The following KIF17 variants were observed in gnomAD, a reference collection of about 807,000 sequenced individuals.
KIF17 encodes the protein kinesin family member 17.
In KIF17, 80 loss-of-function variants were observed where a neutral mutation model predicts 96.8. The ratio of observed to expected loss-of-function variants is 0.83; its 90% CI spans 0.69 to 1.00. The LOEUF is 1.00. Among genes scored for constraint, KIF17 ranks in the 50% least tolerant of loss-of-function variants. The pLI is 0.00. For missense variants in KIF17, 1,280 were observed against 1,372.9 expected (o/e 0.93, Z 1.07); for synonymous variants, 567 against 587.5 (o/e 0.97, Z 0.51).
chr1:20,705,233 G>C (rs990491632), intron 4 of KIF17, among the ~76,000 whole-genome samples: 5 of 152,210 alleles, frequency 3.3e-5, no homozygotes, highest in Non-Finnish European at 5.9e-5. Flanking sequence ...GCTCCCGAAG[G>C]CTTCCTGCAA....
chr1:20,698,429 G>A lies in KIF17; in HGVS notation c.1183C>T (p.Gln395Ter), dbSNP rs779828987. Residue 395 changes from glutamine (Q) to a stop codon, truncating the protein, a stop_gained, in exon 6 of 15, where the codon CAA becomes TAA. Transcript: ENST00000400463. LOFTEE classifies it high-confidence loss of function. Reference protein sequence around the residue: ...PVQVEEKLLPQPVIQHDVEAE... With the variant: ...PVQVEEKLLP Reference sequence around the variant, plus strand: ...TCCACGTCATGCTGGATCACAGGTTGGGGCAACAGCTTCTCCTCCACCTGC... The same window carrying A: ...TCCACGTCATGCTGGATCACAGGTTAGGGCAACAGCTTCTCCTCCACCTGC... The A allele has an allele frequency of 5.0e-6, 8 of 1,613,700 alleles. No homozygotes were observed. The African/African-American group carries it at 6.7e-5, about 13-fold the overall frequency.
chr1:20,712,606 A>ATAGATAATATTATC, intron 3 of KIF17, among the ~76,000 whole-genome samples: 170 of 11,488 alleles, frequency 0.015, 35 homozygotes, highest in Non-Finnish European at 0.03. Flanking sequence ...ATATATATCT[A>ATAGATAATATTATC]TATATATATA....
At chr1:20,694,473 T>C (rs994585238) in intron 6 of KIF17, among the ~76,000 whole-genome samples, 2 of 152,190 alleles carry the variant, frequency 1.3e-5, no homozygotes, top group East Asian at 1.9e-4. Context: ...AAGGCATTTA[T>C]GAATTAAAGA....
chr1:20,676,042 G>T (rs951991020), intron 11 of KIF17, among the ~76,000 whole-genome samples: 9 of 151,824 alleles, frequency 5.9e-5, no homozygotes, highest in Non-Finnish European at 1.2e-4. Flanking sequence ...AAAGGAAAAA[G>T]AAAAAAAGAA....
chr1:20,689,576 G>T (rs11584483), intron 7 of KIF17, among the ~76,000 whole-genome samples: 30 of 152,202 alleles, frequency 2.0e-4, no homozygotes, highest in African/African-American at 7.2e-4. Context: ...GCTTAAATCC[G>T]GGATGGGGAG....
At position 20,687,284 on chromosome 1, in the gene KIF17, G is replaced by A; in HGVS notation, c.1938+104C>T. The A allele has an allele frequency of 4.6e-6, 6 of 1,290,660 alleles. No homozygotes were observed. Among genetic ancestry groups the A allele is most frequent in the Non-Finnish European group, 6.7e-6 (6 of 892,916 alleles). 80.0% of individuals were successfully genotyped at this position (1,290,660 alleles called of 1,614,324 possible). A position where few individuals can be genotyped will look rare whatever the true frequency, so the allele number is the denominator to read the frequency against. On this transcript the variant is annotated intron_variant, in intron 8 of 14. Coordinates refer to ENST00000400463, the MANE Select transcript of KIF17 (RefSeq NM_001122819.3). This position sits in a 1 kb window ranked among gnomAD's most constrained non-coding sequence, Gnocchi z 4.4. ...GACACAGTGGAGCCACGGCCTGAGT[G>A]TCGGAGGCCATGTGTGTGAACAGTG...
chr1:20,707,779 C>T (rs1156932324), intron 4 of KIF17, among the ~76,000 whole-genome samples: 1 of 93,108 alleles, frequency 1.1e-5, no homozygotes, highest in Non-Finnish European at 2.0e-5. Context: ...AAAAACAAAC[C>T]AATGTGTATG....
At chr1:20,716,002 T>G (rs1188565232) in intron 1 of KIF17, among the ~76,000 whole-genome samples, 1 of 152,150 alleles carries the variant, frequency 6.6e-6, no homozygotes, top group Non-Finnish European at 1.5e-5. Context: ...ATCCCAGCAC[T>G]TTGGAAGGCT....
In KIF17 at chr1:20,699,958, G is replaced by C. The variant is rs769839445; in HGVS notation, c.1124-1470C>G. 6.6e-6 allele frequency among the ~76,000 whole-genome samples: 1 copy of C among 152,210 alleles called. No individual in the cohort carries two copies. Among genetic ancestry groups the C allele is most frequent in the Non-Finnish European group, 1.5e-5 (1 of 68,032 alleles). On this transcript the variant is annotated intron_variant, in intron 5 of 14. Coordinates refer to ENST00000400463, the MANE Select transcript of KIF17 (RefSeq NM_001122819.3). The surrounding 1 kb of genome is among the most constrained non-coding windows in gnomAD (Gnocchi z 4.3). ...TGAACAGGCTCTCCCTGGCTGCTGC[G>C]TGGAGAGTGCACTGAGGGGAACCAG...
At chr1:20,715,799 A>G (rs1365810232) in intron 1 of KIF17, among the ~76,000 whole-genome samples, 160 bp from the exon 2 acceptor site, 2 of 152,180 alleles carry the variant, frequency 1.3e-5, no homozygotes, top group Non-Finnish European at 2.9e-5. Context: ...GTCCTCAAGG[A>G]GTTGACTCTC....
intron 4 of KIF17, among the ~76,000 whole-genome samples, chr1:20,708,339 T>G (rs2054378628): frequency 6.6e-6 from 1 of 152,214 alleles, no homozygotes; most frequent in South Asian, 2.1e-4. Flanking sequence ...GCCTTGACCC[T>G]GGGTAGTGCA....
Position 20,672,118 on chromosome 1 carries a change from G to A in KIF17, c.2542C>T (p.Arg848Cys), listed in dbSNP as rs577775020. The change falls in exon 12 of 15, where the codon CGC (arginine) becomes TGC (cysteine). Residue 848 changes from arginine (R) to cysteine (C), a missense_variant. Coordinates refer to ENST00000400463, the MANE Select transcript of KIF17 (RefSeq NM_001122819.3). This position sits in a 1 kb window ranked among gnomAD's most constrained non-coding sequence, Gnocchi z 4.3. ...LEKIDYLATI[R>C]RQERDSMLLQ... The stretch of plus-strand genomic sequence containing the variant: ...AGCATGGAGTCACGCTCCTGCCGGC[G>A]GATGGTGGCCAAGTAATCGATCTTC... 1.4e-4 allele frequency: 224 copies of A among 1,614,142 alleles called. 1 individual carries two copies. The highest frequency in any genetic ancestry group is 2.6e-4 in the South Asian group (24 of 91,074).
In KIF17 at chr1:20,709,429, T is replaced by C. The variant is rs1464275417; in HGVS notation, c.670+210A>G. Among the ~76,000 whole-genome samples the C allele has an allele frequency of 6.6e-6, 1 of 152,288 alleles. No homozygotes were observed. Among genetic ancestry groups the C allele is most frequent in the Admixed American group, 6.5e-5 (1 of 15,296 alleles). ...TGTCTGGCACACAGTGAGCGCTCAATGTTGGCTCCCAGTGTTACTGTGTTT... is the reference window on the plus strand; with the variant it reads ...TGTCTGGCACACAGTGAGCGCTCAACGTTGGCTCCCAGTGTTACTGTGTTT... On this transcript the variant is annotated intron_variant, in intron 4 of 14. Coordinates refer to ENST00000400463, the MANE Select transcript of KIF17 (RefSeq NM_001122819.3). This position sits in a 1 kb window ranked among gnomAD's most constrained non-coding sequence, Gnocchi z 4.7.
chr1:20,682,818 C>A lies in KIF17; in HGVS notation c.2298G>T (p.Lys766Asn). 1.2e-6 allele frequency: 2 copies of A among 1,612,670 alleles called. No individual in the cohort carries two copies. The highest frequency in any genetic ancestry group is 8.5e-7 in the Non-Finnish European group (1 of 1,180,048). The change falls in exon 11 of 15, where the codon AAG becomes AAT. Residue 766 changes from lysine (K) to asparagine (N), a missense_variant. By Grantham distance (94) the Lys-to-Asn change is moderately conservative. Coordinates refer to ENST00000400463, the MANE Select transcript of KIF17 (RefSeq NM_001122819.3). ...EQAKNKDLKE[K>N]HKRRKRYADE... ...CTGCGTAGCGCTTGCGCCGCTTGTG[C>A]TTCTCCTTCAGGTCCTTGTTCTTGG...
intron 11 of KIF17, among the ~76,000 whole-genome samples, chr1:20,682,122 CACATACCCGCATGCATGCACACACATACA>C (rs2053839851): frequency 6.6e-6 from 1 of 151,938 alleles, no homozygotes; most frequent in Non-Finnish European, 1.5e-5. Context: ...ACACACACAA[CACATACCCGCATGCATGCACACACATACA>C]ACATACCCGC....
At chr1:20,695,128 GCA>G (rs35124380) in intron 6 of KIF17, among the ~76,000 whole-genome samples, 1 of 147,588 alleles carries the variant, frequency 6.8e-6, no homozygotes, top group Non-Finnish European at 1.5e-5. Flanking sequence ...ATACACACAC[GCA>G]CACACACGCA....
chr1:20,709,912 G>A lies in KIF17; in HGVS notation c.481-84C>T, dbSNP rs1570480087. The A allele has an allele frequency of 5.2e-6, 7 of 1,336,270 alleles. No homozygotes were observed. The East Asian group carries it at 1.0e-4, about 19-fold the overall frequency. 82.8% of individuals were successfully genotyped at this position (1,336,270 alleles called of 1,614,324 possible). A position where few individuals can be genotyped will look rare whatever the true frequency, so the allele number is the denominator to read the frequency against. On this transcript the variant is annotated intron_variant, in intron 3 of 14. Coordinates refer to ENST00000400463, the MANE Select transcript of KIF17 (RefSeq NM_001122819.3). This position sits in a 1 kb window ranked among gnomAD's most constrained non-coding sequence, Gnocchi z 4.7. ...GATGGTCAAGGAACCAGAGAGAAGG[G>A]CCCCATCCAGACCGCCCTCGCCCTC...
Position 20,696,640 on chromosome 1 carries a change from G to A in KIF17, c.1233+1739C>T, listed in dbSNP as rs1202312789. On this transcript the variant is annotated intron_variant, in intron 6 of 14. Coordinates refer to ENST00000400463, the MANE Select transcript of KIF17 (RefSeq NM_001122819.3). Reference sequence around the variant, plus strand: ...CCCTACTTACTGGACAGCGGGGGCCGCCGGCCCCACCGGGCTTCCCGGGAA... The same window carrying A: ...CCCTACTTACTGGACAGCGGGGGCCACCGGCCCCACCGGGCTTCCCGGGAA... Among the ~76,000 whole-genome samples the A allele has an allele frequency of 2.0e-5, 3 of 152,014 alleles. No individual in the cohort carries two copies. In the East Asian group the frequency reaches 5.8e-4, roughly 30 times the overall value.
chr1:20,692,571 G>A (rs942393348), intron 6 of KIF17, among the ~76,000 whole-genome samples: 13 of 151,860 alleles, frequency 8.6e-5, no homozygotes, highest in South Asian at 6.2e-4. Flanking sequence ...AAAGTGATGG[G>A]ATTAGAGGCG....
Sources: gnomAD v4.1 joint callset for allele counts (sites outside exome capture counted in the v4.1 genomes callset) on GRCh38, gnomAD v4.1.1 for gene constraint, Gnocchi (gnomAD v3.1) non-coding constraint, MANE v1.5 for transcripts, NCBI Gene and HGNC (gene_info 2026-07-23, HGNC 2026-07-21) for gene names.